The following PCDHA4 variants were observed in gnomAD, a reference collection of about 807,000 sequenced individuals.
PCDHA4 encodes protocadherin alpha-4.
Under a neutral mutation model 61.4 loss-of-function variants are expected in PCDHA4, and 49 were observed. The ratio of observed to expected loss-of-function variants is 0.80; its 90% CI spans 0.63 to 1.01. The LOEUF (loss-of-function observed/expected upper bound fraction) is 1.01. Ranked by LOEUF, PCDHA4 falls within the 50% of genes least tolerant of loss-of-function variation. The pLI, the probability that PCDHA4 is intolerant of heterozygous loss-of-function variation, is 0.00. For synonymous variants in PCDHA4, 590 were observed against 550.3 expected, an observed-to-expected ratio of 1.07 and a Z score of -1.01; for missense variants, 1,254 against 1,235.8, an observed-to-expected ratio of 1.01 and a Z score of -0.22.
chr5:140,812,838 T>A (rs2126642140), intron 1 of PCDHA4: 1 of 152,368 alleles, frequency 6.6e-6, no homozygotes, highest in East Asian at 1.9e-4. Context: ...TTTGTTTATC[T>A]TAACATATTT....
rs1368669225 is a variant in PCDHA4 at position 140,808,672 on chromosome 5, A to G, written c.1485A>G (p.Val495=). 14 of 1,612,714 alleles carry G rather than the reference A, an allele frequency of 8.7e-6. No individual in the cohort carries two copies. The highest frequency in any genetic ancestry group is 2.7e-5 in the African/African-American group (2 of 74,916). Residue 495 remains valine (V), a synonymous_variant, in exon 1 of 4, where the codon GTA becomes GTG. Coordinates refer to ENST00000530339, the MANE Select transcript of PCDHA4 (RefSeq NM_018907.4). ...ACGCGCTGGTGTCCTACTCGCTGGTAGAGCGGCGGGTAGGGGAGCGCGCGC... is the reference window on the plus strand; with the variant it reads ...ACGCGCTGGTGTCCTACTCGCTGGTGGAGCGGCGGGTAGGGGAGCGCGCGC... ...QENALVSYSL[V]ERRVGERALS...
chr5:141,006,507 C>T (rs2098276539), intron 3 of PCDHA4, among the ~76,000 whole-genome samples: 1 of 152,156 alleles, frequency 6.6e-6, no homozygotes, highest in Admixed American at 6.5e-5. Flanking sequence ...GCCACCGCGC[C>T]TGGCTGTTAT....
chr5:140,883,518 G>A, intron 1 of PCDHA4: 2 of 1,614,234 alleles, frequency 1.2e-6, no homozygotes, highest in South Asian at 1.1e-5. Flanking sequence ...GACCGCGAGA[G>A]CGTATCAGCC....
intron 1 of PCDHA4, among the ~76,000 whole-genome samples, chr5:140,837,948 G>A (rs1426509555): frequency 6.6e-6 from 1 of 151,422 alleles, no homozygotes; most frequent in Non-Finnish European, 1.5e-5. Context: ...CAAAGTATTG[G>A]GATTACAGAC....
At chr5:140,960,728 A>G (rs200453950) in intron 1 of PCDHA4, among the ~76,000 whole-genome samples, 1 of 30,214 alleles carries the variant, frequency 3.3e-5, no homozygotes, top group African/African-American at 2.6e-4. Flanking sequence ...ATTTTAGTCC[A>G]TGATTTTAGT....
At chr5:140,977,351 AT>A (rs2096757742) in intron 1 of PCDHA4, among the ~76,000 whole-genome samples, 1 of 152,348 alleles carries the variant, frequency 6.6e-6, no homozygotes, top group Non-Finnish European at 1.5e-5. Context: ...ATGATGACTG[AT>A]TGATAAAAAG....
At chr5:140,821,907 T>G (rs2150111857) in intron 1 of PCDHA4, 1 of 1,614,210 alleles carries the variant, frequency 6.2e-7, no homozygotes, top group East Asian at 2.2e-5. Context: ...GAACCTTCGT[T>G]GGCCGCATCG....
At chr5:140,967,453 C>T in intron 1 of PCDHA4, 1 of 1,613,556 alleles carries the variant, frequency 6.2e-7, no homozygotes, top group South Asian at 1.1e-5. Context: ...TTCTCACAGC[C>T]GTGGATGGGG....
chr5:140,976,702 A>G (rs782610534), intron 1 of PCDHA4, among the ~76,000 whole-genome samples: 2 of 152,220 alleles, frequency 1.3e-5, no homozygotes, highest in Non-Finnish European at 2.9e-5. Context: ...AATAATGTTG[A>G]CTTTGCATTA....
Position 140,807,855 on chromosome 5 carries a change from C to A in PCDHA4, c.668C>A (p.Thr223Asn). 1 of 1,614,194 alleles carries A rather than the reference C, an allele frequency of 6.2e-7. No individual in the cohort carries two copies. Among genetic ancestry groups the A allele is most frequent in the Non-Finnish European group, 8.5e-7 (1 of 1,180,026 alleles). The change falls in exon 1 of 4, where the codon ACT becomes AAT. Residue 223 changes from threonine to asparagine, a missense_variant. Coordinates refer to ENST00000530339, the MANE Select transcript of PCDHA4 (RefSeq NM_018907.4). Reference sequence around the variant, plus strand: ...ACTGATGGAGGCAAACCCGAGTTGACTGGCACCGTTCAGTTACTCATCACA... The same window carrying A: ...ACTGATGGAGGCAAACCCGAGTTGAATGGCACCGTTCAGTTACTCATCACA... ...TATDGGKPEL[T>N]GTVQLLITVL...
chr5:140,980,252 A>C (rs993133768), intron 2 of PCDHA4, among the ~76,000 whole-genome samples: 6 of 152,188 alleles, frequency 3.9e-5, no homozygotes, highest in African/African-American at 1.4e-4. Context: ...CAATGGGTAA[A>C]AGCATGGTTT....
chr5:140,858,072 C>T, intron 1 of PCDHA4: 1 of 1,597,752 alleles, frequency 6.3e-7, no homozygotes, highest in Non-Finnish European at 8.6e-7. Context: ...AGCCAGGCAC[C>T]CAAGGCCTCG....
Position 140,841,739 on chromosome 5 carries a change from CTG to C in PCDHA4, c.2385+32169_2385+32170del, listed in dbSNP as rs2150321939. Reference sequence around the variant, plus strand: ...AGTGTTCCGGGTAAAAGACCAAAAGCTGTTTGTTTCAGAATCCAGAATGCCAG... The same window carrying C: ...AGTGTTCCGGGTAAAAGACCAAAAGCTTTGTTTCAGAATCCAGAATGCCAG... On this transcript the variant is annotated intron_variant, in intron 1 of 3. Coordinates refer to ENST00000530339, the MANE Select transcript of PCDHA4 (RefSeq NM_018907.4). 3 of 1,613,880 alleles carry C rather than the reference CTG, an allele frequency of 1.9e-6. No homozygotes were observed. In the East Asian group the frequency reaches 6.7e-5, roughly 36 times the overall value.
intron 1 of PCDHA4, chr5:140,828,543 T>C: frequency 6.2e-7 from 1 of 1,614,216 alleles, no homozygotes; most frequent in Non-Finnish European, 8.5e-7. Context: ...CCAGATTCTG[T>C]GTTTCCACTG....
At chr5:140,831,492 T>TGGG (rs1554133281) in intron 1 of PCDHA4, among the ~76,000 whole-genome samples, 1 of 147,590 alleles carries the variant, frequency 6.8e-6, no homozygotes, top group East Asian at 2.0e-4. Flanking sequence ...CTGGAGTTAC[T>TGGG]ACACACGAGC....
intron 1 of PCDHA4, chr5:140,852,045 G>A: frequency 2.2e-6 from 2 of 919,488 alleles, no homozygotes; most frequent in Non-Finnish European, 2.6e-6. Flanking sequence ...TTTTTGTTAT[G>A]TGGTTTATAT....
intron 1 of PCDHA4, chr5:140,829,486 G>A (rs1305629436): frequency 1.9e-6 from 3 of 1,613,648 alleles, no homozygotes; most frequent in Non-Finnish European, 2.5e-6. Flanking sequence ...TGTTCGTGAA[G>A]GAGAACAACC....
At chr5:140,892,445 T>C (rs1177566356) in intron 1 of PCDHA4, among the ~76,000 whole-genome samples, 1 of 152,214 alleles carries the variant, frequency 6.6e-6, no homozygotes, top group Non-Finnish European at 1.5e-5. Context: ...AAAATTTACA[T>C]GTATTCTTTA....
intron 1 of PCDHA4, chr5:140,856,811 G>A: frequency 3.8e-6 from 6 of 1,594,886 alleles, no homozygotes; most frequent in Non-Finnish European, 5.2e-6. Flanking sequence ...TGAAAATCAA[G>A]TGAACCAAAC....
Sources: gnomAD v4.1 joint callset for allele counts (sites outside exome capture counted in the v4.1 genomes callset) on GRCh38, gnomAD v4.1.1 for gene constraint, MANE v1.5 for transcripts, NCBI Gene and HGNC (gene_info 2026-07-23, HGNC 2026-07-21) for gene names.